The following TMEM117 variants were observed in gnomAD, a reference collection of about 807,000 sequenced individuals.
TMEM117 encodes transmembrane protein 117.
A neutral mutation model predicts 52.4 loss-of-function variants in TMEM117; 27 were observed. The ratio of observed to expected loss-of-function variants is 0.51; its 90% CI spans 0.38 to 0.71. The LOEUF is 0.71. TMEM117 is among the 30% of genes least tolerant of loss of function. The pLI, the probability that TMEM117 is intolerant of heterozygous loss-of-function variation, is 0.00. For missense variants in TMEM117, 556 were observed against 630.5 expected (o/e 0.88, Z 1.26); for synonymous variants, 215 against 206.3 (o/e 1.04, Z -0.36).
chr12:44,071,217 G>A (rs76407496), intron 3 of TMEM117, among the ~76,000 whole-genome samples: 3,744 of 152,216 alleles, frequency 0.025, 98 homozygotes, highest in African/African-American at 0.066. Context: ...AGCCGCGCTC[G>A]TGCCAGACAG....
chr12:43,840,156 G>A (rs1023957513), intron 1 of TMEM117, among the ~76,000 whole-genome samples: 20 of 152,150 alleles, frequency 1.3e-4, no homozygotes, highest in African/African-American at 4.8e-4. Flanking sequence ...ATGTCCTTGT[G>A]TGTGGAAGGC....
intron 2 of TMEM117, among the ~76,000 whole-genome samples, chr12:43,874,540 G>A (rs1433689619): frequency 2.0e-5 from 3 of 152,138 alleles, no homozygotes; most frequent in South Asian, 2.1e-4. Flanking sequence ...GCAATGAGCC[G>A]AGATTGCGCC....
intron 3 of TMEM117, among the ~76,000 whole-genome samples, chr12:44,086,936 AT>A (rs1947578304): frequency 6.8e-6 from 1 of 147,800 alleles, no homozygotes. Flanking sequence ...TGACTTTATA[AT>A]TATAAATTAT....
At chr12:43,910,534 A>G (rs1398355368) in intron 2 of TMEM117, among the ~76,000 whole-genome samples, 1 of 150,360 alleles carries the variant, frequency 6.7e-6, no homozygotes, top group Non-Finnish European at 1.5e-5. Flanking sequence ...GTATTCAATT[A>G]GGAAAAGAGG....
At chr12:43,993,820 C>T (rs536827874) in intron 3 of TMEM117, among the ~76,000 whole-genome samples, 9 of 152,056 alleles carry the variant, frequency 5.9e-5, no homozygotes, top group African/African-American at 2.2e-4. Context: ...TCAGCCTGTT[C>T]AGTAGATGGG....
chr12:44,148,720 AC>A (rs1182842165), intron 4 of TMEM117, among the ~76,000 whole-genome samples: 1 of 152,240 alleles, frequency 6.6e-6, no homozygotes, highest in Non-Finnish European at 1.5e-5. Context: ...GAGGGGAGTT[AC>A]AATGTCAATC....
At chr12:44,328,537 C>T (rs901046781) in intron 6 of TMEM117, among the ~76,000 whole-genome samples, 2 of 152,088 alleles carry the variant, frequency 1.3e-5, no homozygotes, top group Non-Finnish European at 2.9e-5. Context: ...ATTAGTGTCA[C>T]GGATCAGCCA....
chr12:43,869,278 T>C (rs1943664001), intron 2 of TMEM117, among the ~76,000 whole-genome samples: 2 of 152,178 alleles, frequency 1.3e-5, no homozygotes, highest in Non-Finnish European at 1.5e-5. Flanking sequence ...CTGCCATCCT[T>C]CTCTTAAGCA....
intron 6 of TMEM117, among the ~76,000 whole-genome samples, chr12:44,350,694 G>A (rs573502987): frequency 2.0e-5 from 3 of 151,896 alleles, no homozygotes; most frequent in Non-Finnish European, 2.9e-5. Context: ...CAGATGGCAG[G>A]ATCTCATTGT....
intron 2 of TMEM117, among the ~76,000 whole-genome samples, chr12:43,879,748 CTG>C (rs1255447659): frequency 6.6e-6 from 1 of 152,212 alleles, no homozygotes; most frequent in Non-Finnish European, 1.5e-5. Flanking sequence ...ATTCAACTAA[CTG>C]TTAATTTGTT....
intron 3 of TMEM117, among the ~76,000 whole-genome samples, chr12:44,003,279 G>T (rs1022558048): frequency 6.6e-6 from 1 of 152,168 alleles, no homozygotes; most frequent in Non-Finnish European, 1.5e-5. Context: ...AGGCCCATGG[G>T]TAGAAGCCAT....
intron 3 of TMEM117, among the ~76,000 whole-genome samples, chr12:44,119,314 T>C (rs1221095315): frequency 6.6e-6 from 1 of 152,228 alleles, no homozygotes; most frequent in Non-Finnish European, 1.5e-5. Flanking sequence ...GATGTTTATG[T>C]AGTGAAAAGC....
At chr12:43,896,764 A>T (rs939136930) in intron 2 of TMEM117, among the ~76,000 whole-genome samples, 5 of 152,164 alleles carry the variant, frequency 3.3e-5, no homozygotes, top group African/African-American at 9.7e-5. Context: ...AGGAATGTGC[A>T]CATAATCCAA....
At chr12:44,291,584 T>A (rs1950706696) in intron 5 of TMEM117, among the ~76,000 whole-genome samples, 1 of 152,028 alleles carries the variant, frequency 6.6e-6, no homozygotes, top group Non-Finnish European at 1.5e-5. Flanking sequence ...GATCTTAAAG[T>A]AAAAGCTTTC....
At chr12:44,266,705 A>G (rs1950382055) in intron 5 of TMEM117, among the ~76,000 whole-genome samples, 1 of 152,162 alleles carries the variant, frequency 6.6e-6, no homozygotes, top group Non-Finnish European at 1.5e-5. Flanking sequence ...TCAAGTTGAC[A>G]AAGATTTATT....
At chr12:43,837,548 T>C (rs1943053010) in intron 1 of TMEM117, among the ~76,000 whole-genome samples, 1 of 152,136 alleles carries the variant, frequency 6.6e-6, no homozygotes, top group Non-Finnish European at 1.5e-5. Flanking sequence ...GGTTTCACCA[T>C]GTTGGTCAGG....
chr12:44,074,375 TA>T (rs1592494114), intron 3 of TMEM117, among the ~76,000 whole-genome samples: 2 of 152,178 alleles, frequency 1.3e-5, no homozygotes, highest in Admixed American at 1.3e-4. Context: ...CCCTTCTCAT[TA>T]GTCTTTTATT....
At chr12:43,972,729 C>A (rs1196860289) in intron 3 of TMEM117, among the ~76,000 whole-genome samples, 1 of 152,048 alleles carries the variant, frequency 6.6e-6, no homozygotes, top group Non-Finnish European at 1.5e-5. Flanking sequence ...TAGCTAGCTA[C>A]AGAGCGCTGA....
chr12:44,033,223 T>G (rs760707973), intron 3 of TMEM117, among the ~76,000 whole-genome samples: 1 of 152,182 alleles, frequency 6.6e-6, no homozygotes, highest in Non-Finnish European at 1.5e-5. Context: ...CCCTGTATGG[T>G]CTGAAAAGGG....
Sources: allele counts gnomAD v4.1 joint callset (sites outside exome capture counted in the v4.1 genomes callset), GRCh38; gene constraint gnomAD v4.1.1; transcripts MANE v1.5; gene names NCBI Gene and HGNC (gene_info 2026-07-23, HGNC 2026-07-21).